UBR4: variants seen among roughly 807,000 people sequenced by gnomAD.
UBR4 encodes E3 ubiquitin-protein ligase UBR4.
UBR4 carries 124 observed loss-of-function variants against 575.6 expected under a neutral mutation model. The observed-to-expected ratio is 0.22, with a 90% CI of 0.19 to 0.25. The LOEUF (loss-of-function observed/expected upper bound fraction) is 0.25. Among genes scored for constraint, UBR4 ranks in the 10% least tolerant of loss-of-function variants. The pLI, the probability that UBR4 is intolerant of heterozygous loss-of-function variation, is 1.00. For synonymous variants in UBR4, 2,455 were observed against 2,473.7 expected (o/e 0.99, Z 0.22); for missense variants, 4,818 against 6,478.8 (o/e 0.74, Z 8.80).
chr1:19,174,303 G>A lies in UBR4; in HGVS notation c.2982+16C>T. The A allele has an allele frequency of 6.3e-7, 1 of 1,598,076 alleles. No individual in the cohort carries two copies. The highest frequency in any genetic ancestry group is 1.1e-5 in the South Asian group (1 of 87,810). ...CAAACACAACCCAAAGACTTCTCAG[G>A]GTTCCATGGTCTTACCAAGGCTGTT... On this transcript the variant is annotated intron_variant, in intron 22 of 105. Transcript: ENST00000375254.
At chr1:19,150,862 A>T in intron 48 of UBR4, 69 bp from the exon 49 acceptor site, 1 of 1,496,102 alleles carries the variant, frequency 6.7e-7, no homozygotes. Context: ...AGCAAAGACC[A>T]GAACAGTTGG....
chr1:19,119,570 T>G lies in UBR4; in HGVS notation c.10442A>C (p.Gln3481Pro). The G allele has an allele frequency of 6.2e-7, 1 of 1,613,432 alleles. No homozygotes were observed. Among genetic ancestry groups the G allele is most frequent in the Non-Finnish European group, 8.5e-7 (1 of 1,179,352 alleles). ...AGCAACTGTTACCTTCTTCTCTGTT[T>G]GTGGAGTTTTCAGGGAGAAATATCC... ...LLGYFSLKTP[Q>P]TEKKLKEYSQ... Residue 3481 changes from glutamine (Q) to proline (P), a missense_variant, in exon 70 of 106, where the codon CAA (glutamine) becomes CCA (proline). Transcript: ENST00000375254.
intron 12 of UBR4, 68 bp from the exon 13 acceptor site, chr1:19,187,369 G>A (rs1409115934): frequency 6.2e-7 from 1 of 1,608,466 alleles, no homozygotes; most frequent in Non-Finnish European, 8.5e-7. Flanking sequence ...TTGAGTTGAT[G>A]GATCAAGCTT....
In UBR4 at chr1:19,153,188, G is replaced by C. The variant is rs2085972863; in HGVS notation, c.6832+113C>G. On this transcript the variant is annotated intron_variant, in intron 46 of 105. Transcript: ENST00000375254. The surrounding 1 kb of genome is among the most constrained non-coding windows in gnomAD (Gnocchi z 4.1). ...TTGGGAAATTAACTTTACAAAATGTGCAAGTAGGACAGTCACATTTCTTCA... is the reference window on the plus strand; with the variant it reads ...TTGGGAAATTAACTTTACAAAATGTCCAAGTAGGACAGTCACATTTCTTCA... The C allele has an allele frequency of 2.4e-6, 3 of 1,226,472 alleles. No individual in the cohort carries two copies. Among genetic ancestry groups the C allele is most frequent in the Non-Finnish European group, 3.5e-6 (3 of 866,938 alleles). 76.0% of individuals were successfully genotyped at this position (1,226,472 alleles called of 1,614,324 possible). A position where few individuals can be genotyped will look rare whatever the true frequency, so the allele number is the denominator to read the frequency against.
At chr1:19,193,607 C>T in intron 8 of UBR4, 50 bp from the exon 9 acceptor site, 1 of 1,551,000 alleles carries the variant, frequency 6.4e-7, no homozygotes, top group South Asian at 1.2e-5. Flanking sequence ...TCCAAGAATC[C>T]ACCAAAGCTG....
rs117933581 is a variant in UBR4, at chr1:19,151,344, A to G, written c.7213+299T>C. 1.1e-3 allele frequency: 536 copies of G among 475,776 alleles called. 7 individuals carry two copies. In the East Asian group the frequency reaches 0.018, roughly 16 times the overall value. The allele number at this position is 475,776 out of a possible 1,614,324, so 29.5% of individuals were successfully genotyped here. A position where few individuals can be genotyped will look rare whatever the true frequency, so the allele number is the denominator to read the frequency against. ...AAGAAAGCCTTGCAATTTCATGTCA[A>G]TCTGCCTCCTCTCGGCCTAAACACA... On this transcript the variant is annotated intron_variant, in intron 48 of 105. Transcript: ENST00000375254.
rs78724755 is a variant in UBR4, at chr1:19,089,631, G to A, written c.14212-654C>T. On this transcript the variant is annotated intron_variant, in intron 97 of 105. Coordinates refer to ENST00000375254, the MANE Select transcript of UBR4 (RefSeq NM_020765.3). This position sits in a 1 kb window ranked among gnomAD's most constrained non-coding sequence, Gnocchi z 4.3. ...GAGAACATCAGAAGGCTAAAGACAGGTGTAGTTGGAAAAAGCACTCCAGGT... is the reference window on the plus strand; with the variant it reads ...GAGAACATCAGAAGGCTAAAGACAGATGTAGTTGGAAAAAGCACTCCAGGT... 3.2e-3 allele frequency among the ~76,000 whole-genome samples: 484 copies of A among 152,318 alleles called. 1 individual carries two copies. The highest frequency in any genetic ancestry group is 0.011 in the African/African-American group (469 of 41,554).
At chr1:19,140,758 T>C (rs1199550389) in intron 58 of UBR4, 30 bp downstream of exon 58, 3 of 1,601,350 alleles carry the variant, frequency 1.9e-6, no homozygotes, top group Non-Finnish European at 2.6e-6. Flanking sequence ...CCTGGGGCCC[T>C]GAGCCGTGCT....
chr1:19,198,170 T>G, intron 5 of UBR4, 121 bp from the exon 6 acceptor site: 1 of 964,484 alleles, frequency 1.0e-6, no homozygotes, highest in Admixed American at 2.4e-5. Flanking sequence ...GGAAAATTCC[T>G]TACTCATGTT....
At chr1:19,190,520 T>C (rs888831573) in intron 11 of UBR4, among the ~76,000 whole-genome samples, 2 of 151,844 alleles carry the variant, frequency 1.3e-5, no homozygotes, top group Non-Finnish European at 2.9e-5. Context: ...ACATCTCACA[T>C]AGAGGTCTGA....
chr1:19,189,585 A>G (rs2091880050), intron 11 of UBR4, among the ~76,000 whole-genome samples: 1 of 152,208 alleles, frequency 6.6e-6, no homozygotes, highest in South Asian at 2.1e-4. Context: ...TGTGCACAGA[A>G]AAATGTCTGA....
chr1:19,164,681 G>C, intron 32 of UBR4, 118 bp downstream of exon 32: 1 of 1,340,074 alleles, frequency 7.5e-7, no homozygotes, highest in Non-Finnish European at 1.0e-6. Flanking sequence ...AGTCTAGAGA[G>C]AGGTAGATAC....
intron 18 of UBR4, 53 bp from the exon 19 acceptor site, chr1:19,177,796 G>A (rs1320342572): frequency 9.6e-6 from 15 of 1,568,604 alleles, no homozygotes; most frequent in South Asian, 1.2e-5. Flanking sequence ...CATTCCCCAG[G>A]AGTTATAATG....
intron 1 of UBR4, among the ~76,000 whole-genome samples, chr1:19,208,270 A>G (rs537100689): frequency 8.5e-5 from 13 of 152,228 alleles, no homozygotes; most frequent in Admixed American, 7.2e-4. Flanking sequence ...TATGGAGACC[A>G]TTCTGGCTAA....
intron 55 of UBR4, 109 bp downstream of exon 55, chr1:19,143,871 A>T: frequency 1.1e-6 from 1 of 922,178 alleles, no homozygotes; most frequent in South Asian, 1.7e-5. Context: ...AGATACATAA[A>T]GTCTCCAGGA....
At chr1:19,104,355 A>G in intron 86 of UBR4, 98 bp from the exon 87 acceptor site, 2 of 1,469,456 alleles carry the variant, frequency 1.4e-6, no homozygotes, top group Non-Finnish European at 1.8e-6. Context: ...AAGCAGGGAA[A>G]ATCTATCTTT....
In UBR4 at chr1:19,159,638, C is replaced by T. The variant is rs57786525; in HGVS notation, c.5577+473G>A. Among the ~76,000 whole-genome samples, 1,055 of 150,634 alleles carry T rather than the reference C, an allele frequency of 7.0e-3. 11 individuals are homozygous for T. The highest frequency in any genetic ancestry group is 0.024 in the African/African-American group (964 of 40,892). On this transcript the variant is annotated intron_variant, in intron 39 of 105. Transcript: ENST00000375254. ...TTTTTTTTGAGAGAGAGTCTCACTC[C>T]GTCGCCCAGGCTGGAGTGCAGTGCT... is the stretch of plus-strand genomic sequence containing the variant.
chr1:19,104,039 C>A, intron 87 of UBR4, 45 bp downstream of exon 87: 1 of 1,599,370 alleles, frequency 6.3e-7, no homozygotes, highest in Non-Finnish European at 8.5e-7. Context: ...TCGGCAGCCC[C>A]AGAAGGGACA....
chr1:19,143,242 G>GAAA, intron 55 of UBR4, among the ~76,000 whole-genome samples: 1 of 136,884 alleles, frequency 7.3e-6, no homozygotes, highest in Admixed American at 7.5e-5. Context: ...AAGGCAGGAA[G>GAAA]GAAGGAAGGA....
Sources: gnomAD v4.1 joint callset for allele counts (sites outside exome capture counted in the v4.1 genomes callset) on GRCh38, gnomAD v4.1.1 for gene constraint, Gnocchi (gnomAD v3.1) non-coding constraint, MANE v1.5 for transcripts, NCBI Gene and HGNC (gene_info 2026-07-23, HGNC 2026-07-21) for gene names.